The following METTL25 variants were observed in gnomAD, a reference collection of about 807,000 sequenced individuals.
METTL25 encodes the protein methyltransferase like 25.
A neutral mutation model predicts 71.6 loss-of-function variants in METTL25; 64 were observed. The observed-to-expected ratio is 0.89, with a 90% CI of 0.73 to 1.10. METTL25 has a LOEUF of 1.10. METTL25 is among the 50% of genes least tolerant of loss of function. The pLI, the probability that METTL25 is intolerant of heterozygous loss-of-function variation, is 0.00. For synonymous variants in METTL25, 287 were observed against 250.3 expected (o/e 1.15, Z -1.38); for missense variants, 807 against 707.0 (o/e 1.14, Z -1.60).
intron 7 of METTL25, chr12:82,438,515 T>TTC (rs1400852208): frequency 3.4e-6 from 1 of 294,988 alleles, no homozygotes; most frequent in Non-Finnish European, 6.3e-6. Flanking sequence ...ATGGTTTCTT[T>TTC]TTTTTTTTTT....
At chr12:82,415,776 C>T (rs1259997142) in intron 5 of METTL25, among the ~76,000 whole-genome samples, 2 of 152,106 alleles carry the variant, frequency 1.3e-5, no homozygotes, top group South Asian at 2.1e-4. Context: ...TTTATTCAGA[C>T]CTCATTCAAT....
At chr12:82,429,749 A>G (rs552321220) in intron 5 of METTL25, among the ~76,000 whole-genome samples, 4 of 151,752 alleles carry the variant, frequency 2.6e-5, no homozygotes, top group South Asian at 2.1e-4. Flanking sequence ...ATGTCTGTTC[A>G]GATCCTTTGG....
intron 5 of METTL25, among the ~76,000 whole-genome samples, chr12:82,405,449 G>T (rs943029968): frequency 1.3e-5 from 2 of 151,990 alleles, no homozygotes; most frequent in African/African-American, 4.8e-5. Flanking sequence ...TAACCAGAAG[G>T]TGTCATTACT....
chr12:82,439,284 G>C (rs1303842268), intron 8 of METTL25, among the ~76,000 whole-genome samples: 1 of 151,586 alleles, frequency 6.6e-6, no homozygotes, highest in African/African-American at 2.4e-5. Flanking sequence ...TTTTATTCCT[G>C]TTGCCCCTAA....
chr12:82,367,104 T>G (rs553809751), intron 1 of METTL25, among the ~76,000 whole-genome samples: 31 of 152,330 alleles, frequency 2.0e-4, no homozygotes, highest in African/African-American at 6.5e-4. Context: ...CCTCCTCCAC[T>G]ACTTTCCCCT....
At chr12:82,424,614 C>T (rs1482592979) in intron 5 of METTL25, among the ~76,000 whole-genome samples, 1 of 151,352 alleles carries the variant, frequency 6.6e-6, no homozygotes, top group Non-Finnish European at 1.5e-5. Context: ...TATAGGATTC[C>T]AGATATAATA....
At chr12:82,361,955 G>A (rs186043676) in intron 1 of METTL25, among the ~76,000 whole-genome samples, 39 of 152,336 alleles carry the variant, frequency 2.6e-4, no homozygotes, top group African/African-American at 9.1e-4. Flanking sequence ...GAGGGCTGCC[G>A]GCACGCTGTC....
At chr12:82,387,211 G>C (rs957044247) in intron 2 of METTL25, among the ~76,000 whole-genome samples, 6 of 151,972 alleles carry the variant, frequency 3.9e-5, no homozygotes, top group Non-Finnish European at 7.4e-5. Flanking sequence ...TTCTACTGCA[G>C]ATAGTTCCTG....
intron 2 of METTL25, among the ~76,000 whole-genome samples, chr12:82,388,562 T>C (rs974981469): frequency 2.6e-5 from 4 of 151,994 alleles, no homozygotes; most frequent in Non-Finnish European, 5.9e-5. Context: ...TATAAATCCT[T>C]GGCCCCTCCC....
intron 5 of METTL25, among the ~76,000 whole-genome samples, chr12:82,425,592 G>A (rs1424986193): frequency 6.6e-6 from 1 of 152,044 alleles, no homozygotes; most frequent in Non-Finnish European, 1.5e-5. Flanking sequence ...GCTGTTGAGG[G>A]AAACAAGAGC....
chr12:82,471,196 G>A (rs1039434160), intron 9 of METTL25, among the ~76,000 whole-genome samples: 2 of 152,178 alleles, frequency 1.3e-5, no homozygotes, highest in Non-Finnish European at 2.9e-5. Flanking sequence ...GATGCAACAT[G>A]CATAAACCTG....
intron 1 of METTL25, among the ~76,000 whole-genome samples, chr12:82,363,152 G>A (rs1882157200): frequency 6.6e-6 from 1 of 152,120 alleles, no homozygotes; most frequent in Admixed American, 6.5e-5. Flanking sequence ...GAGTATAAAC[G>A]CTGCCTGAAT....
chr12:82,416,649 C>G (rs1888011920), intron 5 of METTL25, among the ~76,000 whole-genome samples: 2 of 149,084 alleles, frequency 1.3e-5, no homozygotes. Context: ...TTGTTTTTGT[C>G]ATAAAGACAG....
At chr12:82,368,406 T>C (rs984392762) in intron 1 of METTL25, among the ~76,000 whole-genome samples, 2 of 152,318 alleles carry the variant, frequency 1.3e-5, no homozygotes, top group Non-Finnish European at 2.9e-5. Context: ...TTGTAGCTTC[T>C]GTGGAAAACA....
intron 1 of METTL25, among the ~76,000 whole-genome samples, chr12:82,374,602 C>T (rs992454895): frequency 6.6e-6 from 1 of 152,194 alleles, no homozygotes; most frequent in Non-Finnish European, 1.5e-5. Flanking sequence ...GAAAAGTTCT[C>T]CAAGTCCCCA....
intron 1 of METTL25, chr12:82,374,304 T>C (rs896836204): frequency 1.3e-5 from 2 of 152,266 alleles, no homozygotes; most frequent in African/African-American, 4.8e-5. Context: ...GAAGGGGACC[T>C]GAGCAGGTTG....
intron 5 of METTL25, among the ~76,000 whole-genome samples, chr12:82,413,325 C>G (rs571023137): frequency 7.2e-5 from 11 of 151,964 alleles, no homozygotes; most frequent in Non-Finnish European, 1.2e-4. Context: ...AGTATGCACC[C>G]ACTGCCCACT....
At chr12:82,386,068 A>T (rs535932052) in intron 1 of METTL25, among the ~76,000 whole-genome samples, 1 of 152,266 alleles carries the variant, frequency 6.6e-6, no homozygotes, top group Admixed American at 6.5e-5. Flanking sequence ...GAAACTGCTG[A>T]CATTTACACA....
intron 9 of METTL25, chr12:82,468,634 A>T (rs1186148926): frequency 6.6e-6 from 1 of 152,202 alleles, no homozygotes. Context: ...GGATCCTCAG[A>T]TGAAATTGTC....
Sources: allele counts gnomAD v4.1 joint callset (sites outside exome capture counted in the v4.1 genomes callset), GRCh38; gene constraint gnomAD v4.1.1; transcripts MANE v1.5; gene names NCBI Gene and HGNC (gene_info 2026-07-23, HGNC 2026-07-21).